The following ERAP1 variants were observed in gnomAD, a reference collection of about 807,000 sequenced individuals.
The protein encoded by ERAP1 is endoplasmic reticulum aminopeptidase 1, also known as adipocyte-derived leucine aminopeptidase.
A neutral mutation model predicts 103.7 loss-of-function variants in ERAP1; 86 were observed. That is an observed-to-expected ratio of 0.83 (90% confidence interval 0.70 to 0.99). The LOEUF is 0.99. Among genes scored for constraint, ERAP1 ranks in the 50% least tolerant of loss-of-function variants. The pLI is 0.00. For missense variants in ERAP1, 1,009 were observed against 1,128.4 expected (o/e 0.89, Z 1.52); for synonymous variants, 398 against 402.4 (o/e 0.99, Z 0.13).
At chr5:96,855,881 C>A in the ERAP1 span, among the ~76,000 whole-genome samples, 3 of 152,140 alleles carry the variant, frequency 2.0e-5, no homozygotes, top group African/African-American at 7.2e-5. Context: ...CACACATACA[C>A]ATGCACACAC....
At chr5:96,886,770 T>A in the ERAP1 span, 5 of 1,515,020 alleles carry the variant, frequency 3.3e-6, no homozygotes, top group Non-Finnish European at 4.5e-6. Context: ...CTGAGTGGCT[T>A]CACTTCATCA....
chr5:96,813,650 C>CAAAAAAAAAAAAA, the ERAP1 span, among the ~76,000 whole-genome samples: 20 of 55,158 alleles, frequency 3.6e-4, 6 homozygotes, highest in African/African-American at 1.4e-3. Context: ...AGACTCATCT[C>CAAAAAAAAAAAAA]AAAAAAAAAA....
At chr5:96,788,143 A>G (rs1251779434) in intron 11 of ERAP1, among the ~76,000 whole-genome samples, 2 of 152,152 alleles carry the variant, frequency 1.3e-5, no homozygotes, top group African/African-American at 4.8e-5. Context: ...AAGACAACTG[A>G]GTCTCTCATC....
chr5:96,789,492 A>G (rs1776482290), intron 10 of ERAP1, among the ~76,000 whole-genome samples: 1 of 152,040 alleles, frequency 6.6e-6, no homozygotes, highest in Non-Finnish European at 1.5e-5. Context: ...GTCTCAAAAA[A>G]AAAAGAATTA....
rs756177577 is a variant in ERAP1, at chr5:96,781,845, G to A, written c.2295C>T (p.Val765=). The A allele has an allele frequency of 4.3e-6, 7 of 1,613,648 alleles. No individual in the cohort carries two copies. Among genetic ancestry groups the A allele is most frequent in the South Asian group, 2.2e-5 (2 of 91,076 alleles). Residue 765 remains valine (V), a synonymous_variant, in exon 16 of 19, where the codon GTC becomes GTT. Transcript: ENST00000443439. The part of the protein sequence containing the change: ...KESNGNLSLP[V]DVTLAVFAVG... ...CAGCAAACACTGCCAAGGTCACGTC[G>A]ACAGGCAGGCTATAGAAAGGAACAC...
rs1581517575 is a variant in ERAP1, at chr5:96,776,340, C to G, written c.*56G>C. ...AACAGCCATCTCTAGTTTGAAAATA[C>G]ACTCAACAAAATGTTGGTGATTAGA... On this transcript the variant is annotated 3_prime_UTR_variant, in exon 19 of 19. Transcript: ENST00000443439. 3.2e-5 allele frequency: 51 copies of G among 1,570,514 alleles called. 1 individual carries two copies. In the East Asian group the frequency reaches 1.1e-3, roughly 35 times the overall value.
At chr5:96,864,684 A>G in the ERAP1 span, among the ~76,000 whole-genome samples, 1 of 152,208 alleles carries the variant, frequency 6.6e-6, no homozygotes, top group Non-Finnish European at 1.5e-5. Flanking sequence ...ATGCTTTAAA[A>G]AGAAATTATC....
At chr5:96,780,339 C>T in intron 18 of ERAP1, 84 bp downstream of exon 18, 1 of 997,730 alleles carries the variant, frequency 1.0e-6, no homozygotes, top group Non-Finnish European at 1.4e-6. Context: ...CTCACCACAC[C>T]CTCAAAGTAT....
At chr5:96,765,110 T>C in intron 19 of ERAP1, 1 of 699,460 alleles carries the variant, frequency 1.4e-6, no homozygotes, top group Non-Finnish European at 2.6e-6. Flanking sequence ...CCAGATGTCT[T>C]TTTCTTCCAA....
intron 1 of ERAP1, chr5:96,805,948 G>C (rs565213450): frequency 3.3e-5 from 5 of 152,454 alleles, no homozygotes; most frequent in South Asian, 2.1e-4. Flanking sequence ...GGTTGGTACC[G>C]GGACCTTGGA....
At chr5:96,786,054 TTAGAG>T in intron 12 of ERAP1, 83 bp from the exon 13 acceptor site, 1 of 1,354,430 alleles carries the variant, frequency 7.4e-7, no homozygotes, top group Non-Finnish European at 1.0e-6. Flanking sequence ...GGCAAGGAAA[TTAGAG>T]AAGAGTTTAA....
At chr5:96,901,168 TTTTG>T in the ERAP1 span, among the ~76,000 whole-genome samples, 25 of 118,538 alleles carry the variant, frequency 2.1e-4, no homozygotes, top group East Asian at 8.3e-4. Flanking sequence ...TATTTGAGGG[TTTTG>T]TTTGTTTGTT....
chr5:96,836,426 T>C, the ERAP1 span, among the ~76,000 whole-genome samples: 1 of 152,182 alleles, frequency 6.6e-6, no homozygotes, highest in African/African-American at 2.4e-5. Context: ...GGTCTCGAAC[T>C]CCTGACCTCA....
At chr5:96,916,622 C>A in the ERAP1 span, among the ~76,000 whole-genome samples, 2 of 151,618 alleles carry the variant, frequency 1.3e-5, no homozygotes, top group Non-Finnish European at 2.9e-5. Flanking sequence ...TGCCACCATG[C>A]CCACCTAATT....
the ERAP1 span, among the ~76,000 whole-genome samples, chr5:96,930,355 T>A: frequency 1.3e-5 from 2 of 152,226 alleles, no homozygotes; most frequent in African/African-American, 4.8e-5. Flanking sequence ...ACACTGCCAT[T>A]TTTTGTATAT....
chr5:96,869,213 A>C, the ERAP1 span, among the ~76,000 whole-genome samples: 1 of 152,018 alleles, frequency 6.6e-6, no homozygotes. Context: ...CTGTCTTATT[A>C]GTCAATAAAA....
At chr5:96,797,906 A>C (rs1777523763) in intron 3 of ERAP1, among the ~76,000 whole-genome samples, 1 of 152,222 alleles carries the variant, frequency 6.6e-6, no homozygotes, top group Non-Finnish European at 1.5e-5. Context: ...TGGCTGATCC[A>C]CTTTTCCTTA....
chr5:96,899,234 C>CTGACTG, the ERAP1 span, among the ~76,000 whole-genome samples: 1 of 151,924 alleles, frequency 6.6e-6, no homozygotes, highest in African/African-American at 2.4e-5. Context: ...AATTTGTCTT[C>CTGACTG]TAAGTCCAAT....
chr5:96,914,631 AC>A, the ERAP1 span, among the ~76,000 whole-genome samples: 1 of 152,194 alleles, frequency 6.6e-6, no homozygotes, highest in Non-Finnish European at 1.5e-5. Context: ...TAGACTTGGA[AC>A]CATATTTTTT....
Sources: gnomAD v4.1 joint callset for allele counts (sites outside exome capture counted in the v4.1 genomes callset) on GRCh38, gnomAD v4.1.1 for gene constraint, MANE v1.5 for transcripts, NCBI Gene and HGNC (gene_info 2026-07-23, HGNC 2026-07-21) for gene names.